Variants in UBASH3A observed in about 807,000 individuals in gnomAD.
UBASH3A encodes ubiquitin-associated and SH3 domain-containing protein A.
A neutral mutation model predicts 73.5 loss-of-function variants in UBASH3A; 63 were observed. The observed-to-expected ratio is 0.86, with a 90% CI of 0.70 to 1.06. UBASH3A has a LOEUF of 1.06. Ranked by LOEUF, UBASH3A falls within the 50% of genes least tolerant of loss-of-function variation. UBASH3A has a pLI of 0.00. For synonymous variants in UBASH3A, 363 were observed against 351.1 expected (o/e 1.03, Z -0.38); for missense variants, 860 against 859.0 (o/e 1.00, Z -0.02).
intron 3 of UBASH3A, chr21:42,410,209 G>A: frequency 1.4e-6 from 1 of 700,118 alleles, no homozygotes; most frequent in South Asian, 1.5e-5. Flanking sequence ...GGGGCACCGG[G>A]AAGACAAGAA....
chr21:42,412,571 G>A (rs1404445097), intron 3 of UBASH3A, among the ~76,000 whole-genome samples: 2 of 152,198 alleles, frequency 1.3e-5, no homozygotes, highest in African/African-American at 2.4e-5. Context: ...AAGAGAGGGT[G>A]GCCCCGCAGC....
chr21:42,423,012 T>A (rs1460861820), intron 7 of UBASH3A, among the ~76,000 whole-genome samples: 1 of 152,210 alleles, frequency 6.6e-6, no homozygotes, highest in Non-Finnish European at 1.5e-5. Context: ...TATAAATGCA[T>A]TACTTACTCA....
chr21:42,416,424 G>C lies in UBASH3A; in HGVS notation c.668-18G>C. 5 of 1,547,740 alleles carry C rather than the reference G, an allele frequency of 3.2e-6. No individual in the cohort carries two copies. Among genetic ancestry groups the C allele is most frequent in the Non-Finnish European group, 4.4e-6 (5 of 1,147,726 alleles). On this transcript the variant is annotated intron_variant, in intron 5 of 14. Coordinates refer to ENST00000319294, the MANE Select transcript of UBASH3A (RefSeq NM_018961.4). ...GTAACGGTGTCCTGGCACCCTCTGT[G>C]TTTCCCTGATTTCACAGACTGCTCC...
At chr21:42,406,760 T>G (rs1173823104) in intron 2 of UBASH3A, among the ~76,000 whole-genome samples, 1 of 151,570 alleles carries the variant, frequency 6.6e-6, no homozygotes. Flanking sequence ...ACATTTGGGT[T>G]TATATTAGTA....
intron 10 of UBASH3A, among the ~76,000 whole-genome samples, chr21:42,435,707 A>G (rs1245811982): frequency 6.6e-6 from 1 of 151,930 alleles, no homozygotes; most frequent in African/African-American, 2.4e-5. Flanking sequence ...TTATAGAGTT[A>G]TAGAATTATA....
At chr21:42,444,690 G>A (rs746298465) in intron 14 of UBASH3A, 47 bp downstream of exon 14, 33 of 1,403,360 alleles carry the variant, frequency 2.4e-5, no homozygotes, top group South Asian at 1.3e-4. Flanking sequence ...CAAGCATCCC[G>A]AAGACACAGG....
At chr21:42,424,968 A>G (rs2053408523) in intron 7 of UBASH3A, among the ~76,000 whole-genome samples, 1 of 152,142 alleles carries the variant, frequency 6.6e-6, no homozygotes, top group Non-Finnish European at 1.5e-5. Context: ...AGGCCTCAAG[A>G]GAGACCAGCC....
chr21:42,416,450 G>A lies in UBASH3A; in HGVS notation c.676G>A (p.Val226Met), dbSNP rs1397431453. Reference sequence around the variant, plus strand: ...TTTCCCTGATTTCACAGACTGCTCCGTGAAGCCTTGCACCAAACAGCTGCA... The same window carrying A: ...TTTCCCTGATTTCACAGACTGCTCCATGAAGCCTTGCACCAAACAGCTGCA... ...SHYILQKYCS[V>M]KPCTKQLHLT... The change falls in exon 6 of 15, where the codon GTG (valine) becomes ATG (methionine). Residue 226 changes from valine to methionine, a missense_variant. By Grantham distance (21) the Val-to-Met change is conservative. Coordinates refer to ENST00000319294, the MANE Select transcript of UBASH3A (RefSeq NM_018961.4). 3.8e-6 allele frequency: 6 copies of A among 1,578,132 alleles called. No individual in the cohort carries two copies. The East Asian group carries it at 1.2e-4, about 31-fold the overall frequency.
chr21:42,436,348 C>T (rs549898463), intron 10 of UBASH3A, among the ~76,000 whole-genome samples: 60 of 152,252 alleles, frequency 3.9e-4, no homozygotes, highest in African/African-American at 1.0e-3. Context: ...CTGCACTCCC[C>T]GACAACTGAT....
Position 42,447,121 on chromosome 21 carries a change from A to AC in UBASH3A, c.1916dup (p.Pro640ThrfsTer14). The AC allele has an allele frequency of 6.2e-7, 1 of 1,613,984 alleles. No homozygotes were observed. Among genetic ancestry groups the AC allele is most frequent in the Non-Finnish European group, 8.5e-7 (1 of 1,179,982 alleles). On this transcript the variant is annotated frameshift_variant, in exon 15 of 15. Transcript: ENST00000319294. LOFTEE classifies it high-confidence loss of function. ...GAGGAAGGAAAATGGGAGTTGGTGAACCCACCGGTGAAGACCCTGACCCAC... is the reference window on the plus strand; with the variant it reads ...GAGGAAGGAAAATGGGAGTTGGTGAACCCCACCGGTGAAGACCCTGACCCAC...
chr21:42,413,633 G>C lies in UBASH3A; in HGVS notation c.667+110G>C, dbSNP rs1285734797. Reference sequence around the variant, plus strand: ...TGCTTAGCTATATGCCAACAGCCTGGGAAAGTGCCCCAGAAGGGTGTGCCA... The same window carrying C: ...TGCTTAGCTATATGCCAACAGCCTGCGAAAGTGCCCCAGAAGGGTGTGCCA... On this transcript the variant is annotated intron_variant, in intron 5 of 14. Transcript: ENST00000319294. This position sits in a 1 kb window ranked among gnomAD's most constrained non-coding sequence, Gnocchi z 4.5. 1 of 810,136 alleles carries C rather than the reference G, an allele frequency of 1.2e-6. No individual in the cohort carries two copies. The highest frequency in any genetic ancestry group is 2.7e-5 in the East Asian group (1 of 37,338). The allele number at this position is 810,136 out of a possible 1,614,324, so 50.2% of individuals were successfully genotyped here.
chr21:42,440,172 T>C (rs2053715265), intron 11 of UBASH3A, among the ~76,000 whole-genome samples: 1 of 152,220 alleles, frequency 6.6e-6, no homozygotes, highest in African/African-American at 2.4e-5. Flanking sequence ...CCTGTTCCCA[T>C]GCTCACAGCA....
intron 9 of UBASH3A, among the ~76,000 whole-genome samples, chr21:42,433,528 T>A (rs1446101355): frequency 6.6e-6 from 1 of 152,068 alleles, no homozygotes; most frequent in Non-Finnish European, 1.5e-5. Flanking sequence ...GCCCCCAGAG[T>A]GATCACAGCT....
chr21:42,432,869 G>T (rs1368192015), intron 9 of UBASH3A, among the ~76,000 whole-genome samples: 2 of 152,098 alleles, frequency 1.3e-5, no homozygotes, highest in Non-Finnish European at 2.9e-5. Context: ...CTAATAATAT[G>T]GTCACCTCTA....
At chr21:42,439,396 T>C (rs2053688517) in intron 11 of UBASH3A, among the ~76,000 whole-genome samples, 1 of 152,212 alleles carries the variant, frequency 6.6e-6, no homozygotes, top group Middle Eastern at 3.4e-3. Context: ...AAGACAGAAA[T>C]GCAGACTTAC....
chr21:42,444,113 C>A (rs1234107327), intron 13 of UBASH3A, among the ~76,000 whole-genome samples: 1 of 152,244 alleles, frequency 6.6e-6, no homozygotes, highest in East Asian at 1.9e-4. Flanking sequence ...GGGAGACCCA[C>A]TCGGCCTGTG....
rs200974495 is a variant in UBASH3A, at chr21:42,416,449, C to T, written c.675C>T (p.Ser225=). Residue 225 remains serine, a synonymous_variant, in exon 6 of 15, where the codon TCC becomes TCT. Transcript: ENST00000319294. ...GTTTCCCTGATTTCACAGACTGCTC[C>T]GTGAAGCCTTGCACCAAACAGCTGC... The part of the protein sequence containing the change: ...VSHYILQKYC[S]VKPCTKQLHL... 3.8e-6 allele frequency: 6 copies of T among 1,577,360 alleles called. No homozygotes were observed. The East Asian group carries it at 7.1e-5, about 19-fold the overall frequency.
At chr21:42,438,361 A>G (rs2053665138) in intron 11 of UBASH3A, among the ~76,000 whole-genome samples, 2 of 152,126 alleles carry the variant, frequency 1.3e-5, no homozygotes, top group South Asian at 4.1e-4. Context: ...GGGGGCAGGG[A>G]CTGTGGGAAG....
Position 42,437,492 on chromosome 21 carries a change from C to A in UBASH3A, c.1398C>A (p.Asp466Glu), listed in dbSNP as rs17114930. Residue 466 changes from aspartate to glutamate, a missense_variant, in exon 11 of 15, where the codon GAC becomes GAA. Physicochemically the swap from Asp to Glu is conservative, Grantham distance 45. Coordinates refer to ENST00000319294, the MANE Select transcript of UBASH3A (RefSeq NM_018961.4). ...GCCTTTTTCACTATTTTCCAGGGGA[C>A]GCGCTACTGGACAGTGGTATCAGAA... ...CGIFQSRIAG[D>E]ALLDSGIRIS... 417 of 1,613,940 alleles carry A rather than the reference C, an allele frequency of 2.6e-4. No individual in the cohort carries two copies. Among genetic ancestry groups the A allele is most frequent in the Non-Finnish European group, 3.2e-4 (379 of 1,179,806 alleles).
Sources: allele counts gnomAD v4.1 joint callset (sites outside exome capture counted in the v4.1 genomes callset), GRCh38; gene constraint gnomAD v4.1.1; non-coding constraint Gnocchi (gnomAD v3.1); transcripts MANE v1.5; gene names NCBI Gene and HGNC (gene_info 2026-07-23, HGNC 2026-07-21).